KALRN: variants seen among roughly 807,000 people sequenced by gnomAD.
KALRN encodes kalirin RhoGEF kinase.
In KALRN, 70 loss-of-function variants were observed where a neutral mutation model predicts 353.7. The ratio of observed to expected loss-of-function variants is 0.20; its 90% CI spans 0.16 to 0.24. The LOEUF is 0.24. KALRN is among the 10% of genes least tolerant of loss of function. The probability of loss-of-function intolerance (pLI) is 1.00; values close to 1 mark genes in which losing one functional copy is unlikely to be tolerated. For synonymous variants in KALRN, 1,391 were observed against 1,434.8 expected, an observed-to-expected ratio of 0.97 and a Z score of 0.69; for missense variants, 2,791 against 3,756.7, an observed-to-expected ratio of 0.74 and a Z score of 6.72.
chr3:124,616,096 C>T (rs1319668279), intron 34 of KALRN, among the ~76,000 whole-genome samples: 1 of 152,200 alleles, frequency 6.6e-6, no homozygotes, highest in Non-Finnish European at 1.5e-5. Flanking sequence ...AGTCTTTGAC[C>T]TCTAGCCACC....
intron 1 of KALRN, among the ~76,000 whole-genome samples, chr3:124,039,993 C>T (rs1245418705): frequency 6.6e-6 from 1 of 152,074 alleles, no homozygotes; most frequent in African/African-American, 2.4e-5. Context: ...TTTTTATAGG[C>T]TATTTCTACT....
At chr3:124,340,408 A>G (rs900477638) in intron 9 of KALRN, among the ~76,000 whole-genome samples, 3 of 152,052 alleles carry the variant, frequency 2.0e-5, no homozygotes, top group Admixed American at 6.5e-5. Flanking sequence ...CTGTGGTCCT[A>G]GCTATTCAGG....
At chr3:124,314,351 G>A (rs1372320982) in intron 6 of KALRN, among the ~76,000 whole-genome samples, 1 of 121,062 alleles carries the variant, frequency 8.3e-6, no homozygotes, top group African/African-American at 3.1e-5. Context: ...GGCCTGTTGT[G>A]GGGTGGGGGG....
intron 10 of KALRN, among the ~76,000 whole-genome samples, chr3:124,350,517 T>C (rs1200306201): frequency 2.0e-5 from 3 of 152,186 alleles, no homozygotes; most frequent in African/African-American, 7.2e-5. Flanking sequence ...ACAGTCATGT[T>C]CTTATCCTAA....
At chr3:124,290,220 C>G (rs1218771947) in intron 5 of KALRN, among the ~76,000 whole-genome samples, 1 of 152,066 alleles carries the variant, frequency 6.6e-6, no homozygotes, top group African/African-American at 2.4e-5. Context: ...AAGAGACACT[C>G]ATCATGTCTG....
At chr3:124,323,074 G>A (rs779824910) in intron 6 of KALRN, among the ~76,000 whole-genome samples, 7 of 145,222 alleles carry the variant, frequency 4.8e-5, no homozygotes, top group East Asian at 2.0e-4. Flanking sequence ...ACATTTCTCC[G>A]CCTGCTGATA....
At chr3:124,051,360 T>C (rs1423729234) in intron 1 of KALRN, among the ~76,000 whole-genome samples, 1 of 152,144 alleles carries the variant, frequency 6.6e-6, no homozygotes, top group Non-Finnish European at 1.5e-5. Flanking sequence ...CTTTAGTGGG[T>C]CTGGTTTCTC....
intron 3 of KALRN, among the ~76,000 whole-genome samples, chr3:124,256,099 G>T (rs2071936396): frequency 6.6e-6 from 1 of 152,174 alleles, no homozygotes; most frequent in African/African-American, 2.4e-5. Context: ...TGTGGCCAGG[G>T]GAGAATCCAG....
intron 1 of KALRN, among the ~76,000 whole-genome samples, chr3:124,117,183 G>A (rs894379256): frequency 1.3e-5 from 2 of 152,154 alleles, no homozygotes; most frequent in Non-Finnish European, 2.9e-5. Flanking sequence ...GACCTTGCAG[G>A]CTTCCTTCTG....
At chr3:124,446,625 A>G (rs1370457869) in intron 20 of KALRN, 138 bp from the exon 21 acceptor site, 12 of 1,081,678 alleles carry the variant, frequency 1.1e-5, no homozygotes, top group Non-Finnish European at 1.5e-5. Flanking sequence ...AAAAAACTCC[A>G]GAGCTACATA....
intron 1 of KALRN, among the ~76,000 whole-genome samples, chr3:124,141,394 A>G (rs9837049): frequency 0.38 from 57,343 of 151,840 alleles, 11,238 homozygotes; most frequent in African/African-American, 0.48. Context: ...AAGCAAAGTG[A>G]TCTTCCTTGG....
At chr3:124,233,994 A>C (rs2079472327) in intron 2 of KALRN, among the ~76,000 whole-genome samples, 2 of 152,214 alleles carry the variant, frequency 1.3e-5, no homozygotes, top group Non-Finnish European at 2.9e-5. Context: ...TTTTAAAATC[A>C]TGTAATAAAT....
chr3:124,712,613 T>C (rs1370702432), intron 57 of KALRN, among the ~76,000 whole-genome samples: 1 of 138,822 alleles, frequency 7.2e-6, no homozygotes, highest in African/African-American at 2.8e-5. Context: ...CATGATCACA[T>C]GACTGCACTC....
intron 1 of KALRN, among the ~76,000 whole-genome samples, chr3:124,056,111 C>T (rs188495090): frequency 1.3e-5 from 2 of 152,356 alleles, no homozygotes; most frequent in Admixed American, 1.3e-4. Flanking sequence ...GGACTTTTAA[C>T]CCTGTGTTCT....
intron 1 of KALRN, among the ~76,000 whole-genome samples, chr3:124,127,811 C>A (rs953026767): frequency 3.9e-5 from 6 of 152,212 alleles, no homozygotes; most frequent in Admixed American, 2.0e-4. Flanking sequence ...CAAAGCTATA[C>A]AATTTCATTT....
At chr3:124,549,201 A>AG (rs61540864) in intron 33 of KALRN, among the ~76,000 whole-genome samples, 109,294 of 151,928 alleles carry the variant, frequency 0.72, 40,825 homozygotes, top group African/African-American at 0.91. Context: ...GATGTAGTCT[A>AG]TAAGCTCCTA....
At chr3:124,271,691 T>C (rs2074182432) in intron 5 of KALRN, among the ~76,000 whole-genome samples, 2 of 152,214 alleles carry the variant, frequency 1.3e-5, no homozygotes, top group East Asian at 3.8e-4. Context: ...GCTTGCCTTC[T>C]GCTACCACTG....
intron 1 of KALRN, among the ~76,000 whole-genome samples, chr3:124,125,903 G>A (rs536814472): frequency 6.6e-6 from 1 of 152,286 alleles, no homozygotes; most frequent in African/African-American, 2.4e-5. Flanking sequence ...TTGAGCAGGA[G>A]TGGTTCCATG....
At chr3:124,326,219 G>T (rs774441236) in intron 7 of KALRN, 48 bp downstream of exon 7, 1 of 1,548,594 alleles carries the variant, frequency 6.5e-7, no homozygotes. Context: ...GAAGGGTTGG[G>T]CATGGGCAGG....
Sources: gnomAD v4.1 joint callset for allele counts (sites outside exome capture counted in the v4.1 genomes callset) on GRCh38, gnomAD v4.1.1 for gene constraint, MANE v1.5 for transcripts, NCBI Gene and HGNC (gene_info 2026-07-23, HGNC 2026-07-21) for gene names.